The following PCDH15 variants were observed in gnomAD, a reference collection of about 807,000 sequenced individuals.
PCDH15 encodes the protein protocadherin-15.
PCDH15 carries 129 observed loss-of-function variants against 178.5 expected under a neutral mutation model. That is an observed-to-expected ratio of 0.72 (90% CI 0.63 to 0.84). The LOEUF is 0.84. Among genes scored for constraint, PCDH15 ranks in the 40% least tolerant of loss-of-function variants. The pLI is 0.00. For missense variants in PCDH15, 2,230 were observed against 2,099.9 expected (o/e 1.06, Z -1.21); for synonymous variants, 800 against 732.0 (o/e 1.09, Z -1.50).
chr10:54,194,654 ATCT>A, intron 11 of PCDH15, among the ~76,000 whole-genome samples: 1 of 65,432 alleles, frequency 1.5e-5, no homozygotes, highest in Admixed American at 1.4e-4. Context: ...ATATATCTCT[ATCT>A]ATCTATCTAT....
chr10:55,614,207 A>C (rs1271265248), intron 2 of PCDH15, among the ~76,000 whole-genome samples: 1 of 152,154 alleles, frequency 6.6e-6, no homozygotes, highest in African/African-American at 2.4e-5. Context: ...TATATCACTT[A>C]ACAGTCAGGA....
intron 1 of PCDH15, among the ~76,000 whole-genome samples, chr10:55,184,016 T>A (rs1021005051): frequency 8.5e-5 from 13 of 152,104 alleles, no homozygotes; most frequent in African/African-American, 3.1e-4. Flanking sequence ...CAGGTTTACC[T>A]CTCTTTTTCT....
intron 1 of PCDH15, among the ~76,000 whole-genome samples, chr10:55,235,200 G>T (rs1190740460): frequency 2.0e-5 from 3 of 151,994 alleles, no homozygotes; most frequent in Non-Finnish European, 4.4e-5. Context: ...TTTTATACAT[G>T]GGTAAGTCAA....
intron 18 of PCDH15, among the ~76,000 whole-genome samples, chr10:54,049,766 ACCCG>A (rs1343172160): frequency 6.6e-6 from 1 of 151,896 alleles, no homozygotes; most frequent in Non-Finnish European, 1.5e-5. Context: ...CACTACAAGC[ACCCG>A]CCACCAAGCC....
chr10:54,916,900 G>A (rs1837351379), intron 2 of PCDH15, among the ~76,000 whole-genome samples: 1 of 152,156 alleles, frequency 6.6e-6, no homozygotes, highest in African/African-American at 2.4e-5. Context: ...TAGATGGCTT[G>A]CATCTTGGTA....
intron 23 of PCDH15, among the ~76,000 whole-genome samples, chr10:53,949,998 A>G (rs1412045326): frequency 6.6e-6 from 1 of 152,180 alleles, no homozygotes; most frequent in Non-Finnish European, 1.5e-5. Context: ...TATTTTAAGT[A>G]TAAATTGTGT....
intron 1 of PCDH15, among the ~76,000 whole-genome samples, chr10:54,729,566 A>G (rs2132629931): frequency 6.6e-6 from 1 of 151,812 alleles, no homozygotes; most frequent in African/African-American, 2.4e-5. Flanking sequence ...ACCTAATTAT[A>G]CCAAATGGCT....
Position 53,840,511 on chromosome 10 carries a change from AAGTACAAACATGAC to A in PCDH15, c.3807-29_3807-16del. 6.2e-7 allele frequency: 1 copy of A among 1,609,864 alleles called. No homozygotes were observed. The highest frequency in any genetic ancestry group is 1.3e-5 in the African/African-American group (1 of 74,934). On this transcript the variant is annotated splice_polypyrimidine_tract_variant and intron_variant, in intron 28 of 37. Transcript: ENST00000644397. ...GATCCAAGATCCTATAAATCAAACAAAGTACAAACATGACAGTCCAATGGGCTTTCTGGGAGTAA... is the reference window on the plus strand; with the variant it reads ...GATCCAAGATCCTATAAATCAAACAAAGTCCAATGGGCTTTCTGGGAGTAA...
chr10:54,475,896 T>C (rs2078241008), intron 3 of PCDH15, among the ~76,000 whole-genome samples: 1 of 150,698 alleles, frequency 6.6e-6, no homozygotes, highest in Admixed American at 6.6e-5. Flanking sequence ...TATATATATA[T>C]AATGAAAGTG....
At chr10:54,336,668 T>C (rs558449324) in intron 6 of PCDH15, among the ~76,000 whole-genome samples, 97 of 152,304 alleles carry the variant, frequency 6.4e-4, no homozygotes, top group African/African-American at 2.3e-3. Flanking sequence ...TGCCTGGATG[T>C]CCAGACAAAA....
At chr10:54,785,230 C>G (rs1305956720) in intron 1 of PCDH15, among the ~76,000 whole-genome samples, 1 of 151,780 alleles carries the variant, frequency 6.6e-6, no homozygotes, top group Non-Finnish European at 1.5e-5. Flanking sequence ...AAAAAAATAA[C>G]TTTATTTTTT....
intron 2 of PCDH15, among the ~76,000 whole-genome samples, chr10:55,453,062 C>T (rs1230372760): frequency 6.6e-6 from 1 of 151,990 alleles, no homozygotes; most frequent in Non-Finnish European, 1.5e-5. Context: ...AACTAAATAC[C>T]TCTACATGTA....
At chr10:54,187,718 T>C (rs1396411114) in intron 11 of PCDH15, among the ~76,000 whole-genome samples, 3 of 151,920 alleles carry the variant, frequency 2.0e-5, no homozygotes, top group Non-Finnish European at 4.4e-5. Context: ...TGGCATATTA[T>C]AGCTCATTCT....
intron 3 of PCDH15, among the ~76,000 whole-genome samples, chr10:54,462,901 A>G (rs2077285756): frequency 6.6e-6 from 1 of 151,556 alleles, no homozygotes; most frequent in Admixed American, 6.6e-5. Context: ...CTCTTCCTTT[A>G]GTTTGTATTG....
intron 18 of PCDH15, among the ~76,000 whole-genome samples, chr10:54,059,471 CATA>C (rs1228102112): frequency 2.0e-5 from 3 of 152,114 alleles, no homozygotes; most frequent in Admixed American, 1.3e-4. Context: ...TCCTCTAACA[CATA>C]ATATTTCTTT....
intron 28 of PCDH15, among the ~76,000 whole-genome samples, chr10:53,855,062 G>T (rs1354584162): frequency 2.6e-5 from 4 of 151,878 alleles, no homozygotes; most frequent in Admixed American, 2.6e-4. Context: ...TCAAAATAAA[G>T]AAAATGGCAT....
At chr10:55,577,371 C>T (rs1842516914) in intron 2 of PCDH15, among the ~76,000 whole-genome samples, 1 of 152,096 alleles carries the variant, frequency 6.6e-6, no homozygotes, top group South Asian at 2.1e-4. Context: ...TAGATCTTTA[C>T]ATTTATGCAG....
At position 55,411,681 on chromosome 10, in the gene PCDH15, C is replaced by T. The variant is rs185697560; in HGVS notation, c.-156+215944G>A. Among the ~76,000 whole-genome samples the T allele has an allele frequency of 1.8e-3, 269 of 152,098 alleles. 1 individual carries two copies. The highest frequency in any genetic ancestry group is 6.1e-3 in the African/African-American group (253 of 41,520). On this transcript the variant is annotated intron_variant, in intron 2 of 5. Transcript: ENST00000613346. ...TACATCCTTAGAGGTAAATTGACTACGAAACAGATTTTCTTCAATTATCCA... is the reference window on the plus strand; with the variant it reads ...TACATCCTTAGAGGTAAATTGACTATGAAACAGATTTTCTTCAATTATCCA...
At chr10:54,827,150 G>A (rs905040343) in intron 3 of PCDH15, among the ~76,000 whole-genome samples, 1 of 152,084 alleles carries the variant, frequency 6.6e-6, no homozygotes, top group African/African-American at 2.4e-5. Context: ...ACCTCTGGAT[G>A]ACAGTGGCTG....
Sources: gnomAD v4.1 joint callset for allele counts (sites outside exome capture counted in the v4.1 genomes callset) on GRCh38, gnomAD v4.1.1 for gene constraint, MANE v1.5 for transcripts, NCBI Gene and HGNC (gene_info 2026-07-23, HGNC 2026-07-21) for gene names.